The following UGT1A8 variants were observed in gnomAD, a reference collection of about 807,000 sequenced individuals.
UGT1A8 encodes the protein UDP glucuronosyltransferase family 1 member A8, also known as UDP-glucuronosyltransferase 1A8.
In UGT1A8, 39 loss-of-function variants were observed where a neutral mutation model predicts 45.3. That is an observed-to-expected ratio of 0.86 (90% CI 0.67 to 1.12). The LOEUF (loss-of-function observed/expected upper bound fraction) is 1.12, where lower values mean the gene tolerates loss of function less well. Among genes scored for constraint, UGT1A8 ranks in the 50% most tolerant of loss-of-function variants. The pLI is 0.00. For missense variants in UGT1A8, 719 were observed against 664.9 expected, an observed-to-expected ratio of 1.08 and a Z score of -0.90; for synonymous variants, 275 against 249.2, an observed-to-expected ratio of 1.10 and a Z score of -0.97.
intron 1 of UGT1A8, among the ~76,000 whole-genome samples, chr2:233,650,905 A>G (rs2073722248): frequency 1.3e-5 from 2 of 152,308 alleles, no homozygotes; most frequent in South Asian, 4.1e-4. Context: ...TTACTTTTTT[A>G]GCAATGGACC....
intron 1 of UGT1A8, among the ~76,000 whole-genome samples, chr2:233,663,360 A>G (rs1350766423): frequency 6.6e-6 from 1 of 152,214 alleles, no homozygotes; most frequent in Non-Finnish European, 1.5e-5. Flanking sequence ...GGGGGAATCC[A>G]GTAATCCAGG....
chr2:233,682,668 T>C (rs1489706860), intron 1 of UGT1A8: 4 of 1,613,820 alleles, frequency 2.5e-6, no homozygotes, highest in Non-Finnish European at 2.5e-6. Context: ...GCATATGATC[T>C]CTACAGCCAC....
rs28899184 is a variant in UGT1A8 at position 233,714,555 on chromosome 2, A to T, written c.856-52479A>T. Among the ~76,000 whole-genome samples the T allele has an allele frequency of 4.8e-3, 733 of 152,370 alleles. 10 individuals carry two copies. Among genetic ancestry groups the T allele is most frequent in the African/African-American group, 0.017 (698 of 41,588 alleles). ...TCTAATACCGAAGTGTCCAATAGAA[A>T]TATCATGTAAACCACATACATAATT... On this transcript the variant is annotated intron_variant, in intron 1 of 4. Transcript: ENST00000373450.
Position 233,760,394 on chromosome 2 carries a change from A to G in UGT1A8, c.856-6640A>G, listed in dbSNP as rs1244863017. On this transcript the variant is annotated intron_variant, in intron 1 of 4. Coordinates refer to ENST00000373450, the MANE Select transcript of UGT1A8 (RefSeq NM_019076.5). ...GGGAAGATACTGTTGATCCCAGTGG[A>G]TGGCAGCCACTGGCTGAGCATGCTT... 2.5e-6 allele frequency: 4 copies of G among 1,614,048 alleles called. No individual in the cohort carries two copies. Among genetic ancestry groups the G allele is most frequent in the African/African-American group, 1.3e-5 (1 of 74,926 alleles).
At chr2:233,695,346 A>G (rs1429075001) in intron 1 of UGT1A8, among the ~76,000 whole-genome samples, 2 of 151,402 alleles carry the variant, frequency 1.3e-5, no homozygotes, top group African/African-American at 4.8e-5. Context: ...GGATGGTCTC[A>G]ATCTCTTGAC....
intron 1 of UGT1A8, among the ~76,000 whole-genome samples, chr2:233,632,784 C>T (rs1033463264): frequency 3.3e-5 from 5 of 152,112 alleles, no homozygotes; most frequent in Non-Finnish European, 5.9e-5. Context: ...CAAACAGAGA[C>T]AATTTGACTT....
chr2:233,728,960 A>T, intron 1 of UGT1A8: 1 of 1,448,658 alleles, frequency 6.9e-7, no homozygotes, highest in Non-Finnish European at 9.2e-7. Context: ...CACAGTGAAA[A>T]ACAGTGATAG....
rs1402609722 is a variant in UGT1A8 at position 233,636,819 on chromosome 2, A to G, written c.855+18257A>G. 1.9e-6 allele frequency: 3 copies of G among 1,614,240 alleles called. No homozygotes were observed. The Admixed American group carries it at 5.0e-5, about 27-fold the overall frequency. ...TGGTTTTCGCCCATGCTCAATGGAA[A>G]GCACAGGCACAAAGTATATTTTCTC... On this transcript the variant is annotated intron_variant, in intron 1 of 4. Coordinates refer to ENST00000373450, the MANE Select transcript of UGT1A8 (RefSeq NM_019076.5).
At chr2:233,652,168 C>T (rs1031254016) in intron 1 of UGT1A8, among the ~76,000 whole-genome samples, 2 of 152,148 alleles carry the variant, frequency 1.3e-5, no homozygotes, top group African/African-American at 4.8e-5. Context: ...ATCTGGGCTT[C>T]CCCCATTGCT....
intron 1 of UGT1A8, among the ~76,000 whole-genome samples, chr2:233,687,113 A>G (rs2074823796): frequency 1.3e-5 from 2 of 152,234 alleles, no homozygotes; most frequent in South Asian, 4.1e-4. Flanking sequence ...AAACTTGGGT[A>G]AAAACTCAGC....
intron 1 of UGT1A8, among the ~76,000 whole-genome samples, chr2:233,645,249 A>G (rs766279100): frequency 2.8e-4 from 42 of 152,206 alleles, no homozygotes; most frequent in Middle Eastern, 3.4e-3. Context: ...CCATGATTCA[A>G]TTTTCCCACC....
At chr2:233,671,866 T>C in intron 1 of UGT1A8, 1 of 1,518,884 alleles carries the variant, frequency 6.6e-7, no homozygotes, top group East Asian at 2.3e-5. Flanking sequence ...TTTGTGCTGG[T>C]ATTTCTCCCA....
Position 233,672,870 on chromosome 2 carries a change from G to A in UGT1A8, c.855+54308G>A. 4.6e-6 allele frequency: 7 copies of A among 1,518,468 alleles called. No individual in the cohort carries two copies. The South Asian group carries it at 8.2e-5, about 18-fold the overall frequency. The allele number at this position is 1,518,468 out of a possible 1,614,324, so 94.1% of individuals were successfully genotyped here. The stretch of plus-strand genomic sequence containing the variant: ...AGGATTCTTTACTGAACTGTGATTT[G>A]ACATTTTCATTTGTTTCATTTCAAA... On this transcript the variant is annotated intron_variant, in intron 1 of 4. Coordinates refer to ENST00000373450, the MANE Select transcript of UGT1A8 (RefSeq NM_019076.5).
At chr2:233,629,043 A>G (rs1321433251) in intron 1 of UGT1A8, among the ~76,000 whole-genome samples, 11 of 152,076 alleles carry the variant, frequency 7.2e-5, no homozygotes, top group Non-Finnish European at 1.6e-4. Context: ...TGTGCAACCA[A>G]CACCACCATT....
chr2:233,772,592 C>A lies in UGT1A8; in HGVS notation c.*33C>A. 1.3e-6 allele frequency: 2 copies of A among 1,599,668 alleles called. No homozygotes were observed. The highest frequency in any genetic ancestry group is 1.7e-6 in the Non-Finnish European group (2 of 1,172,304). On this transcript the variant is annotated 3_prime_UTR_variant, in exon 5 of 5. Transcript: ENST00000373450. ...GTGGGAAATAAGGTAAAATTTTGAA[C>A]CATTCCCTAGTCATTTCCAAACTTG...
chr2:233,695,130 C>CTTTTTTTTTT (rs71398796), intron 1 of UGT1A8, among the ~76,000 whole-genome samples: 1 of 138,840 alleles, frequency 7.2e-6, no homozygotes. Context: ...CTTTTCTTTT[C>CTTTTTTTTTT]TTTTTTTTTT....
intron 1 of UGT1A8, chr2:233,741,793 C>T (rs1691771418): frequency 6.6e-6 from 1 of 151,878 alleles, no homozygotes; most frequent in South Asian, 2.1e-4. Context: ...AAAAAATTAC[C>T]AGCATGCTGC....
chr2:233,748,656 G>A (rs1055285615), intron 1 of UGT1A8, among the ~76,000 whole-genome samples: 3 of 151,770 alleles, frequency 2.0e-5, no homozygotes, highest in African/African-American at 4.9e-5. Context: ...ACTGAGTTCA[G>A]TTTCCAGAGA....
intron 1 of UGT1A8, among the ~76,000 whole-genome samples, chr2:233,645,289 G>A (rs895267952): frequency 1.3e-5 from 2 of 152,084 alleles, no homozygotes; most frequent in Non-Finnish European, 2.9e-5. Context: ...GGGAATTGTG[G>A]GAGTTACAAT....
Sources: gnomAD v4.1 joint callset for allele counts (sites outside exome capture counted in the v4.1 genomes callset) on GRCh38, gnomAD v4.1.1 for gene constraint, MANE v1.5 for transcripts, NCBI Gene and HGNC (gene_info 2026-07-23, HGNC 2026-07-21) for gene names.